TENM3: variants seen among roughly 807,000 people sequenced by gnomAD.
TENM3 encodes teneurin-3.
In TENM3, 63 loss-of-function variants were observed where a neutral mutation model predicts 255.1. That is an observed-to-expected ratio of 0.25 (90% confidence interval 0.20 to 0.30). The LOEUF (loss-of-function observed/expected upper bound fraction) is 0.30. Among genes scored for constraint, TENM3 ranks in the 10% least tolerant of loss-of-function variants. TENM3 has a pLI of 1.00. For missense variants in TENM3, 2,929 were observed against 3,461.1 expected, an observed-to-expected ratio of 0.85 and a Z score of 3.86; for synonymous variants, 1,306 against 1,322.3, an observed-to-expected ratio of 0.99 and a Z score of 0.27.
At chr4:181,888,494 G>GTATATATATATATATATATATATATA in the TENM3 span, among the ~76,000 whole-genome samples, 4 of 28,222 alleles carry the variant, frequency 1.4e-4, no homozygotes, top group African/African-American at 3.4e-4. Flanking sequence ...ATAGAAATGT[G>GTATATATATATATATATATATATATA]TATATATATA....
At chr4:182,562,167 CT>C (rs1743270815) in intron 3 of TENM3, among the ~76,000 whole-genome samples, 3 of 152,074 alleles carry the variant, frequency 2.0e-5, no homozygotes, top group Admixed American at 2.0e-4. Context: ...CAACCTTAGG[CT>C]GTATAAGAAA....
At chr4:182,310,196 C>A (rs5024828) in intron 1 of TENM3, among the ~76,000 whole-genome samples, 36,766 of 151,932 alleles carry the variant, frequency 0.24, 4,613 homozygotes, top group Middle Eastern at 0.28. Flanking sequence ...ATTTCAGAAG[C>A]ATATTTCTTT....
At chr4:181,512,909 C>A in the TENM3 span, among the ~76,000 whole-genome samples, 31,921 of 152,106 alleles carry the variant, frequency 0.21, 4,204 homozygotes, top group Non-Finnish European at 0.3. Context: ...GGAGCAGCTG[C>A]AGAATGATAC....
At chr4:182,593,908 A>G (rs1746919633) in intron 3 of TENM3, among the ~76,000 whole-genome samples, 1 of 152,042 alleles carries the variant, frequency 6.6e-6, no homozygotes, top group Non-Finnish European at 1.5e-5. Context: ...GCTGTAAACC[A>G]GGGAGGAGCT....
At chr4:182,736,728 G>T in intron 16 of TENM3, 80 bp from the exon 17 acceptor site, 2 of 1,294,266 alleles carry the variant, frequency 1.5e-6, no homozygotes, top group South Asian at 1.5e-5. Context: ...CAAATATAGT[G>T]AATATGTGCT....
chr4:182,321,812 G>C (rs770838189), intron 1 of TENM3, among the ~76,000 whole-genome samples: 1 of 151,798 alleles, frequency 6.6e-6, no homozygotes, highest in Non-Finnish European at 1.5e-5. Flanking sequence ...GGATGTGGTG[G>C]TGAGCTCCTA....
chr4:182,124,551 G>A, the TENM3 span, among the ~76,000 whole-genome samples: 5 of 152,158 alleles, frequency 3.3e-5, no homozygotes. Flanking sequence ...AAAGAACAAA[G>A]GCTGAGCCCT....
intron 4 of TENM3, among the ~76,000 whole-genome samples, chr4:182,603,763 ATT>A (rs1400665303): frequency 8.1e-6 from 1 of 123,058 alleles, no homozygotes; most frequent in African/African-American, 2.7e-5. Flanking sequence ...TTTGGCAATT[ATT>A]TATATATATA....
chr4:181,954,988 C>A, the TENM3 span, among the ~76,000 whole-genome samples: 1 of 152,182 alleles, frequency 6.6e-6, no homozygotes, highest in Non-Finnish European at 1.5e-5. Flanking sequence ...CATTGAATTA[C>A]CTTAGCACCT....
At chr4:181,512,641 C>T in the TENM3 span, among the ~76,000 whole-genome samples, 28 of 152,224 alleles carry the variant, frequency 1.8e-4, no homozygotes, top group African/African-American at 6.5e-4. Flanking sequence ...GGCTCCTGTG[C>T]TTCCACCTGC....
chr4:182,365,601 A>C (rs2150816841), intron 3 of TENM3, among the ~76,000 whole-genome samples: 1 of 152,316 alleles, frequency 6.6e-6, no homozygotes, highest in Non-Finnish European at 1.5e-5. Flanking sequence ...ATTTCCACAA[A>C]GTTTCTGTAT....
the TENM3 span, among the ~76,000 whole-genome samples, chr4:181,806,653 G>C: frequency 6.6e-6 from 1 of 152,204 alleles, no homozygotes; most frequent in Non-Finnish European, 1.5e-5. Flanking sequence ...GAGGAGACTA[G>C]GCCCTCACCA....
At chr4:182,242,886 T>C (rs982254410), upstream of TENM3, among the ~76,000 whole-genome samples, 3 of 152,156 alleles carry the variant, frequency 2.0e-5, no homozygotes, top group Non-Finnish European at 4.4e-5. Flanking sequence ...TTATCAGAGA[T>C]GGAAATAAAA....
At chr4:181,894,598 C>G in the TENM3 span, among the ~76,000 whole-genome samples, 2 of 151,996 alleles carry the variant, frequency 1.3e-5, no homozygotes, top group Non-Finnish European at 2.9e-5. Flanking sequence ...GATTGGAAGT[C>G]GAACTTTTTC....
At chr4:182,757,990 A>G (rs1762858635) in intron 22 of TENM3, among the ~76,000 whole-genome samples, 1 of 152,182 alleles carries the variant, frequency 6.6e-6, no homozygotes, top group Non-Finnish European at 1.5e-5. Context: ...ATATCCATAT[A>G]TATAAAAGAA....
the TENM3 span, among the ~76,000 whole-genome samples, chr4:181,799,668 C>G: frequency 6.6e-6 from 1 of 152,296 alleles, no homozygotes; most frequent in Middle Eastern, 3.4e-3. Flanking sequence ...CAGAAAGAGG[C>G]TAGCGCATTA....
the TENM3 span, among the ~76,000 whole-genome samples, chr4:181,576,054 C>A: frequency 6.6e-6 from 1 of 152,198 alleles, no homozygotes; most frequent in Non-Finnish European, 1.5e-5. Flanking sequence ...TATTCATCAT[C>A]TGAATAATGG....
chr4:182,107,951 C>T, the TENM3 span, among the ~76,000 whole-genome samples: 1 of 152,216 alleles, frequency 6.6e-6, no homozygotes, highest in Middle Eastern at 3.4e-3. Flanking sequence ...GAGCGTAAAT[C>T]AAGGTTCTTC....
chr4:182,677,551 C>A (rs1480770241), intron 7 of TENM3, among the ~76,000 whole-genome samples: 1 of 152,082 alleles, frequency 6.6e-6, no homozygotes, highest in Admixed American at 6.5e-5. Flanking sequence ...ACAGAGTCAC[C>A]ATTCAAAACT....
Sources: gnomAD v4.1 joint callset for allele counts (sites outside exome capture counted in the v4.1 genomes callset) on GRCh38, gnomAD v4.1.1 for gene constraint, MANE v1.5 for transcripts, NCBI Gene and HGNC (gene_info 2026-07-23, HGNC 2026-07-21) for gene names.